The following HYDIN variants were observed in gnomAD, a reference collection of about 807,000 sequenced individuals.
The protein encoded by HYDIN is HYDIN axonemal central pair apparatus protein, also known as axonemal central pair apparatus protein HYDIN.
In HYDIN, 132 loss-of-function variants were observed where a neutral mutation model predicts 403.9. The observed-to-expected ratio is 0.33, with a 90% CI of 0.28 to 0.38. The LOEUF is 0.38. Ranked by LOEUF, HYDIN falls within the 10% of genes least tolerant of loss-of-function variation. The pLI is 1.00. For synonymous variants in HYDIN, 1,202 were observed against 1,891.7 expected (o/e 0.64, Z 9.46); for missense variants, 2,827 against 5,009.5 (o/e 0.56, Z 13.15).
chr16:71,177,477 C>T (rs1000663129), intron 4 of HYDIN, among the ~76,000 whole-genome samples: 3 of 152,168 alleles, frequency 2.0e-5, no homozygotes, highest in African/African-American at 7.2e-5. Context: ...GCTTCTCTTA[C>T]TAATGCTACT....
intron 64 of HYDIN, among the ~76,000 whole-genome samples, chr16:70,872,705 CCCATCCAT>C (rs796279570): frequency 8.3e-6 from 1 of 121,008 alleles, no homozygotes; most frequent in Non-Finnish European, 1.7e-5. Context: ...TCCCTACCCA[CCCATCCAT>C]CCATCCATCC....
intron 9 of HYDIN, among the ~76,000 whole-genome samples, chr16:71,118,480 A>G (rs969261524): frequency 6.6e-6 from 1 of 151,612 alleles, no homozygotes; most frequent in African/African-American, 2.4e-5. Context: ...TGCAATATCT[A>G]CTCAGTTTGC....
intron 52 of HYDIN, 121 bp from the exon 53 acceptor site, chr16:70,901,323 A>C: frequency 1.6e-6 from 1 of 613,486 alleles, no homozygotes; most frequent in Non-Finnish European, 2.9e-6. Flanking sequence ...AGGTAAACAC[A>C]TGTCATGGGG....
chr16:71,227,165 A>G (rs76201968), intron 1 of HYDIN, among the ~76,000 whole-genome samples: 1,822 of 146,818 alleles, frequency 0.012, 20 homozygotes, highest in Middle Eastern at 0.032. Context: ...GTGTGTGTGT[A>G]TATATATATA....
chr16:71,030,895 A>G (rs2080882423), intron 19 of HYDIN, among the ~76,000 whole-genome samples: 1 of 152,080 alleles, frequency 6.6e-6, no homozygotes, highest in Non-Finnish European at 1.5e-5. Context: ...AGTAGAGGAC[A>G]TAAGCTTTGC....
At chr16:70,971,972 C>G (rs2078746052) in intron 35 of HYDIN, among the ~76,000 whole-genome samples, 1 of 152,060 alleles carries the variant, frequency 6.6e-6, no homozygotes, top group South Asian at 2.1e-4. Flanking sequence ...TAATAAATTT[C>G]TCTCTTAATT....
intron 1 of HYDIN, among the ~76,000 whole-genome samples, chr16:71,209,881 A>G (rs1364160791): frequency 6.6e-6 from 1 of 152,226 alleles, no homozygotes; most frequent in African/African-American, 2.4e-5. Flanking sequence ...CAAAGAAATC[A>G]GAGACAACAC....
chr16:70,955,782 T>C (rs932109685), intron 39 of HYDIN, among the ~76,000 whole-genome samples: 3 of 152,194 alleles, frequency 2.0e-5, no homozygotes, highest in African/African-American at 7.2e-5. Flanking sequence ...GCAATCTGCA[T>C]CCTCGCTGGG....
chr16:71,129,466 C>T (rs2084615892), intron 9 of HYDIN, among the ~76,000 whole-genome samples, 174 bp downstream of exon 9: 1 of 152,190 alleles, frequency 6.6e-6, no homozygotes, highest in Non-Finnish European at 1.5e-5. Flanking sequence ...TGTCCCATGA[C>T]ATTCTTACCA....
At chr16:70,853,368 C>T (rs2038795167) in intron 73 of HYDIN, among the ~76,000 whole-genome samples, 1 of 150,258 alleles carries the variant, frequency 6.7e-6, no homozygotes, top group African/African-American at 2.5e-5. Flanking sequence ...CACTCTTGCT[C>T]ATTTTCCCCA....
chr16:70,916,887 C>A (rs1292423875), intron 47 of HYDIN, among the ~76,000 whole-genome samples: 1 of 150,760 alleles, frequency 6.6e-6, no homozygotes, highest in Non-Finnish European at 1.5e-5. Flanking sequence ...GTTTTTCTTT[C>A]TTTCTTTCCC....
chr16:70,849,113 G>A (rs2038432950), intron 75 of HYDIN, among the ~76,000 whole-genome samples: 2 of 151,962 alleles, frequency 1.3e-5, no homozygotes, highest in South Asian at 4.1e-4. Context: ...CTCCTCCAGG[G>A]TCTGATTGAT....
At position 71,098,352 on chromosome 16, in the gene HYDIN, C is replaced by A. The variant is rs533140727; in HGVS notation, c.1328-4417G>T. Among the ~76,000 whole-genome samples the A allele has an allele frequency of 2.0e-5, 3 of 152,040 alleles. No individual in the cohort carries two copies. The South Asian group carries it at 6.2e-4, about 32-fold the overall frequency. On this transcript the variant is annotated intron_variant, in intron 10 of 85. Transcript: ENST00000393567. ...GAGTAGCTGGGACTACAGACGCCCG[C>A]CACCACGCCCGGCTAATATTTTTGT...
At chr16:70,950,568 C>T (rs1274934507) in intron 41 of HYDIN, among the ~76,000 whole-genome samples, 1 of 151,288 alleles carries the variant, frequency 6.6e-6, no homozygotes, top group Admixed American at 6.6e-5. Context: ...TAAGGACCTA[C>T]ATCTTTATTC....
chr16:71,217,611 C>G (rs2088957728), intron 1 of HYDIN, among the ~76,000 whole-genome samples: 1 of 152,168 alleles, frequency 6.6e-6, no homozygotes, highest in Admixed American at 6.5e-5. Flanking sequence ...TGAACCTGAC[C>G]TATGGAGCCG....
chr16:70,853,336 ATTATCG>A (rs1013514115), intron 73 of HYDIN, among the ~76,000 whole-genome samples: 14 of 151,130 alleles, frequency 9.3e-5, no homozygotes, highest in African/African-American at 3.2e-4. Context: ...GAAACATGCC[ATTATCG>A]TATGTCCATT....
Position 70,981,455 on chromosome 16 carries a change from A to G in HYDIN, c.4446T>C (p.Asn1482=), listed in dbSNP as rs1187017588. ...AGATTCCCTCTCCGCTCAGAGTGAT[A>G]TTTTCTGGGTCCAGGTGGGCGATCT... ...QIQIAHLDPE[N]ITLSGEGIFP... is the part of the protein sequence containing the mutation. The change falls in exon 29 of 86, where the codon AAT becomes AAC. Residue 1482 remains asparagine (N), a synonymous_variant. Coordinates refer to ENST00000393567, the MANE Select transcript of HYDIN (RefSeq NM_001270974.2). The G allele has an allele frequency of 1.2e-6, 2 of 1,613,666 alleles. No homozygotes were observed. Among genetic ancestry groups the G allele is most frequent in the Admixed American group, 1.7e-5 (1 of 59,946 alleles).
intron 7 of HYDIN, among the ~76,000 whole-genome samples, chr16:71,143,686 A>AAG (rs2085256638): frequency 6.6e-6 from 1 of 152,252 alleles, no homozygotes; most frequent in South Asian, 2.1e-4. Context: ...TGATGCGGGT[A>AAG]AGTCTGCATA....
rs569426739 is a variant in HYDIN at position 70,886,259 on chromosome 16, G to A, written c.9775-2135C>T. Among the ~76,000 whole-genome samples the A allele has an allele frequency of 3.3e-5, 5 of 151,384 alleles. No individual in the cohort carries two copies. In the South Asian group the frequency reaches 6.3e-4, roughly 19 times the overall value. On this transcript the variant is annotated intron_variant, in intron 58 of 85. Transcript: ENST00000393567. ...TACATGCACCTCAGTTATAGTACAC[G>A]CACCTCAATTATAGTATTTACCATC...
Sources: gnomAD v4.1 joint callset for allele counts (sites outside exome capture counted in the v4.1 genomes callset) on GRCh38, gnomAD v4.1.1 for gene constraint, MANE v1.5 for transcripts, NCBI Gene and HGNC (gene_info 2026-07-23, HGNC 2026-07-21) for gene names.